EPS15L1: variants seen among roughly 807,000 people sequenced by gnomAD.
EPS15L1 encodes epidermal growth factor receptor pathway substrate 15 like 1.
In EPS15L1, 43 loss-of-function variants were observed where a neutral mutation model predicts 117.1. The observed-to-expected ratio is 0.37, with a 90% confidence interval of 0.29 to 0.47. The LOEUF (loss-of-function observed/expected upper bound fraction) is 0.47. Among genes scored for constraint, EPS15L1 ranks in the 20% least tolerant of loss-of-function variants. The probability of loss-of-function intolerance (pLI) is 0.99; values close to 1 mark genes in which losing one functional copy is unlikely to be tolerated. For missense variants in EPS15L1, 981 were observed against 1,164.0 expected (o/e 0.84, Z 2.29); for synonymous variants, 459 against 470.5 (o/e 0.98, Z 0.32).
At position 16,403,724 on chromosome 19, in the gene EPS15L1, G is replaced by A. The variant is rs372974203; in HGVS notation, c.1626+9C>T. ...TGGCATGTGGCAGGGACCCGACTCCGTGAAGTACCTGGTTGATTTCGTCTT... is the reference window on the plus strand; with the variant it reads ...TGGCATGTGGCAGGGACCCGACTCCATGAAGTACCTGGTTGATTTCGTCTT... On this transcript the variant is annotated intron_variant, in intron 15 of 23. Transcript: ENST00000455140. The A allele has an allele frequency of 4.1e-5, 66 of 1,610,336 alleles. No homozygotes were observed. The highest frequency in any genetic ancestry group is 3.3e-4 in the Middle Eastern group (2 of 6,078).
At chr19:16,413,141 T>G (rs1429812275) in intron 13 of EPS15L1, 3 of 667,070 alleles carry the variant, frequency 4.5e-6, no homozygotes, top group Non-Finnish European at 8.3e-6. Context: ...AGGCGGCCAC[T>G]GCCATCCGCA....
chr19:16,404,454 T>C lies in EPS15L1; in HGVS notation c.1428+134A>G. The C allele has an allele frequency of 1.0e-6, 1 of 987,198 alleles. No homozygotes were observed. The highest frequency in any genetic ancestry group is 1.5e-6 in the Non-Finnish European group (1 of 675,892). 61.2% of individuals were successfully genotyped at this position (987,198 alleles called of 1,614,324 possible). The stretch of plus-strand genomic sequence containing the variant: ...ACAGGTGCTTGGACACTTTTCCACG[T>C]GGTGTTTGGAGGAACTCTATTGACC... On this transcript the variant is annotated intron_variant, in intron 14 of 23. Coordinates refer to ENST00000455140, the MANE Select transcript of EPS15L1 (RefSeq NM_001258374.3). The surrounding 1 kb of genome is among the most constrained non-coding windows in gnomAD (Gnocchi z 4.2).
intron 1 of EPS15L1, among the ~76,000 whole-genome samples, chr19:16,463,923 C>T (rs1024258988): frequency 2.6e-5 from 4 of 152,204 alleles, no homozygotes; most frequent in Admixed American, 6.5e-5. Flanking sequence ...CAGATGCAAA[C>T]GCCTTGAGGC....
chr19:16,378,651 T>C lies in EPS15L1; in HGVS notation c.2248-1397A>G, dbSNP rs1385292003. On this transcript the variant is annotated intron_variant, in intron 21 of 23. Coordinates refer to ENST00000455140, the MANE Select transcript of EPS15L1 (RefSeq NM_001258374.3). ...TGCCTCCAGGCCTGTGATGAGCAGA[T>C]ACTAAGCGCCGCCACCTGGGGGGAT... 3.3e-5 allele frequency among the ~76,000 whole-genome samples: 5 copies of C among 152,136 alleles called. No individual in the cohort carries two copies. The East Asian group carries it at 9.7e-4, about 29-fold the overall frequency.
At chr19:16,366,472 T>A (rs1373867761) in intron 22 of EPS15L1, among the ~76,000 whole-genome samples, 1 of 152,216 alleles carries the variant, frequency 6.6e-6, no homozygotes, top group African/African-American at 2.4e-5. Context: ...CTGAGGTTTC[T>A]GATGCGCAAA....
chr19:16,362,028 T>C lies in EPS15L1; in HGVS notation c.2381-44A>G, dbSNP rs761733744. 1.8e-5 allele frequency: 28 copies of C among 1,535,710 alleles called. No individual in the cohort carries two copies. In the Middle Eastern group the frequency reaches 5.3e-4, roughly 29 times the overall value. ...AAAAAAAAGGAGAAAGAAAGAAATA[T>C]GAGTTACTCACCCGGACAGAGCAGA... On this transcript the variant is annotated intron_variant, in intron 22 of 23. Coordinates refer to ENST00000455140, the MANE Select transcript of EPS15L1 (RefSeq NM_001258374.3).
intron 9 of EPS15L1, 102 bp downstream of exon 9, chr19:16,424,981 T>C (rs1195085294): frequency 7.4e-6 from 8 of 1,087,006 alleles, no homozygotes; most frequent in Non-Finnish European, 9.8e-6. Flanking sequence ...TTTAAAGACA[T>C]TTCATCACAA....
chr19:16,364,536 C>T (rs150860141), intron 22 of EPS15L1, among the ~76,000 whole-genome samples: 192 of 152,330 alleles, frequency 1.3e-3, no homozygotes, highest in Non-Finnish European at 2.1e-3. Flanking sequence ...GGGCTGGTTC[C>T]GCTGGCCTTG....
chr19:16,370,110 A>G lies in EPS15L1; in HGVS notation c.2380+7012T>C, dbSNP rs2092200082. ...TTAGGGGTCGTGCATGAAAGGACCC[A>G]AAAGAGCCCCTGGGAGGGGAGCAAG... On this transcript the variant is annotated intron_variant, in intron 22 of 23. Coordinates refer to ENST00000455140, the MANE Select transcript of EPS15L1 (RefSeq NM_001258374.3). This position sits in a 1 kb window ranked among gnomAD's most constrained non-coding sequence, Gnocchi z 5.2. Among the ~76,000 whole-genome samples the G allele has an allele frequency of 6.6e-6, 1 of 152,188 alleles. No individual in the cohort carries two copies. The highest frequency in any genetic ancestry group is 1.5e-5 in the Non-Finnish European group (1 of 68,032).
chr19:16,458,831 C>A (rs1254604550), intron 1 of EPS15L1, among the ~76,000 whole-genome samples: 1 of 152,206 alleles, frequency 6.6e-6, no homozygotes, highest in African/African-American at 2.4e-5. Context: ...ATATCGGGCA[C>A]CTTTCACTCC....
At chr19:16,362,105 G>T in intron 22 of EPS15L1, 121 bp from the exon 23 acceptor site, 41 of 1,015,242 alleles carry the variant, frequency 4.0e-5, no homozygotes, top group Non-Finnish European at 5.7e-5. Context: ...CTTGTAACTT[G>T]GCTAACAGGC....
At chr19:16,418,271 G>A (rs2144927253) in intron 10 of EPS15L1, among the ~76,000 whole-genome samples, 167 bp from the exon 11 acceptor site, 1 of 152,272 alleles carries the variant, frequency 6.6e-6, no homozygotes, top group South Asian at 2.1e-4. Flanking sequence ...CCAGGAAGTG[G>A]CCCAGGGGTT....
At chr19:16,402,175 C>T (rs887965022) in intron 16 of EPS15L1, 146 bp downstream of exon 16, 59 of 1,444,886 alleles carry the variant, frequency 4.1e-5, no homozygotes, top group African/African-American at 1.7e-4. Context: ...GGTGTGAACG[C>T]GCAAAGTGGC....
At chr19:16,460,360 A>G (rs889760548) in intron 1 of EPS15L1, among the ~76,000 whole-genome samples, 3 of 152,224 alleles carry the variant, frequency 2.0e-5, no homozygotes, top group African/African-American at 7.2e-5. Context: ...TTTTACACAC[A>G]GCAGATAAGT....
intron 15 of EPS15L1, among the ~76,000 whole-genome samples, chr19:16,403,235 C>G (rs550495425): frequency 6.6e-5 from 10 of 152,190 alleles, no homozygotes; most frequent in African/African-American, 1.4e-4. Flanking sequence ...CCAGCGCCCC[C>G]CCCTGGACTG....
At chr19:16,459,366 C>T (rs902045857) in intron 1 of EPS15L1, among the ~76,000 whole-genome samples, 5 of 152,178 alleles carry the variant, frequency 3.3e-5, no homozygotes, top group African/African-American at 4.8e-5. Context: ...CTGTAATGAC[C>T]GGCCCCTCTC....
At chr19:16,372,814 T>C (rs1004224248) in intron 22 of EPS15L1, among the ~76,000 whole-genome samples, 9 of 151,918 alleles carry the variant, frequency 5.9e-5, no homozygotes, top group African/African-American at 2.2e-4. Context: ...CTCAGGGAGG[T>C]TAAGTGACCC....
intron 19 of EPS15L1, among the ~76,000 whole-genome samples, chr19:16,388,719 C>T (rs1003761107): frequency 2.3e-4 from 35 of 152,010 alleles, no homozygotes; most frequent in African/African-American, 7.0e-4. Context: ...CCCAACTACT[C>T]GAGAGGCTGA....
At position 16,421,351 on chromosome 19, in the gene EPS15L1, C is replaced by G. The variant is rs777537664; in HGVS notation, c.918G>C (p.Ser306=). 6.2e-7 allele frequency: 1 copy of G among 1,613,232 alleles called. No individual in the cohort carries two copies. The highest frequency in any genetic ancestry group is 8.5e-7 in the Non-Finnish European group (1 of 1,179,496). ...GQEVKEIFMH[S]GLTQNLLAHI... Reference sequence around the variant, plus strand: ...GTGCTAGAAGGTTCTGGGTGAGGCCCGAGTGCATGAAGATCTCCTTCACCT... The same window carrying G: ...GTGCTAGAAGGTTCTGGGTGAGGCCGGAGTGCATGAAGATCTCCTTCACCT... The change falls in exon 10 of 24, where the codon TCG becomes TCC. Residue 306 remains serine (S), a synonymous_variant. Transcript: ENST00000455140.
Sources: allele counts gnomAD v4.1 joint callset (sites outside exome capture counted in the v4.1 genomes callset), GRCh38; gene constraint gnomAD v4.1.1; non-coding constraint Gnocchi (gnomAD v3.1); transcripts MANE v1.5; gene names NCBI Gene and HGNC (gene_info 2026-07-23, HGNC 2026-07-21).